The following MBTPS1 variants were observed in gnomAD, a reference collection of about 807,000 sequenced individuals.
MBTPS1 encodes the protein membrane-bound transcription factor site-1 protease.
Under a neutral mutation model 127.8 loss-of-function variants are expected in MBTPS1, and 94 were observed. The observed-to-expected ratio is 0.74, with a 90% CI of 0.62 to 0.87. MBTPS1 has a LOEUF of 0.87. Among genes scored for constraint, MBTPS1 ranks in the 40% least tolerant of loss-of-function variants. The pLI is 0.00. For synonymous variants in MBTPS1, 632 were observed against 509.4 expected (o/e 1.24, Z -3.24); for missense variants, 1,636 against 1,353.2 (o/e 1.21, Z -3.28).
At position 84,068,426 on chromosome 16, in the gene MBTPS1, T is replaced by C; in HGVS notation, c.1984A>G (p.Arg662Gly). ...WNGDHIHTNF[R>G]DMYQHLRSMG... Reference sequence around the variant, plus strand: ...CTTCTCAGATGCTGGTACATATCCCTGAAATTGGTGTGGATGTGATCACCA... The same window carrying C: ...CTTCTCAGATGCTGGTACATATCCCCGAAATTGGTGTGGATGTGATCACCA... Residue 662 changes from arginine to glycine, a missense_variant, in exon 15 of 23, where the codon AGG becomes GGG. Coordinates refer to ENST00000343411, the MANE Select transcript of MBTPS1 (RefSeq NM_003791.4). The C allele has an allele frequency of 6.2e-7, 1 of 1,613,990 alleles. No homozygotes were observed. Among genetic ancestry groups the C allele is most frequent in the Non-Finnish European group, 8.5e-7 (1 of 1,179,804 alleles).
chr16:84,066,620 A>T lies in MBTPS1; in HGVS notation c.2229-7T>A. ...ATCCGGCATCCACCACTGCCTGGGAAAGTGGTAACAGACACACAGGGAACA... is the reference window on the plus strand; with the variant it reads ...ATCCGGCATCCACCACTGCCTGGGATAGTGGTAACAGACACACAGGGAACA... On this transcript the variant is annotated splice_polypyrimidine_tract_variant and splice_region_variant and intron_variant, in intron 16 of 22. Coordinates refer to ENST00000343411, the MANE Select transcript of MBTPS1 (RefSeq NM_003791.4). 1 of 1,613,806 alleles carries T rather than the reference A, an allele frequency of 6.2e-7. No homozygotes were observed.
Position 84,093,205 on chromosome 16 carries a change from C to G in MBTPS1, c.829G>C (p.Val277Leu). Residue 277 changes from valine (V) to leucine (L), a missense_variant, in exon 6 of 23, where the codon GTC (valine) becomes CTC (leucine). Coordinates refer to ENST00000343411, the MANE Select transcript of MBTPS1 (RefSeq NM_003791.4). The stretch of plus-strand genomic sequence containing the variant: ...ACACCTACCTGATTATTGGTAAAGA[C>G]CCTGAAAATGTGAAGTTCTGCATCT... ...APDAELHIFRVFTNNQVSYTS... is the reference protein window; with the variant it reads ...APDAELHIFRLFTNNQVSYTS... 6.2e-7 allele frequency: 1 copy of G among 1,612,144 alleles called. No homozygotes were observed. Among genetic ancestry groups the G allele is most frequent in the Non-Finnish European group, 8.5e-7 (1 of 1,178,178 alleles).
chr16:84,062,255 G>T (rs1249183520), intron 19 of MBTPS1, among the ~76,000 whole-genome samples: 1 of 152,078 alleles, frequency 6.6e-6, no homozygotes, highest in Non-Finnish European at 1.5e-5. Context: ...CAAGCAGCTG[G>T]GACTACAGGC....
chr16:84,093,119 G>C (rs2086132364), intron 6 of MBTPS1, 69 bp downstream of exon 6: 1 of 1,011,008 alleles, frequency 9.9e-7, no homozygotes, highest in Non-Finnish European at 1.6e-6. Flanking sequence ...AGTGTGTACA[G>C]TCCAGTGATT....
At position 84,101,737 on chromosome 16, in the gene MBTPS1, C is replaced by A. The variant is rs1218576853; in HGVS notation, c.47G>T (p.Cys16Phe). 43 of 1,614,148 alleles carry A rather than the reference C, an allele frequency of 2.7e-5. No homozygotes were observed. Among genetic ancestry groups the A allele is most frequent in the Non-Finnish European group, 3.6e-5 (42 of 1,180,000 alleles). The change falls in exon 2 of 23, where the codon TGT (cysteine) becomes TTT (phenylalanine). Residue 16 changes from cysteine to phenylalanine, a missense_variant. Transcript: ENST00000343411. ...TCTGTCGCCCAGATGTTTCTTCCCACAGAGCAAAACCACGAGCAGAAGCAG... is the reference window on the plus strand; with the variant it reads ...TCTGTCGCCCAGATGTTTCTTCCCAAAGAGCAAAACCACGAGCAGAAGCAG... ...IWLLLLVVLL[C>F]GKKHLGDRLE...
intron 1 of MBTPS1, among the ~76,000 whole-genome samples, chr16:84,112,149 C>T (rs941837363): frequency 1.3e-5 from 2 of 152,034 alleles, no homozygotes; most frequent in Admixed American, 6.5e-5. Flanking sequence ...TTGCAGTGGG[C>T]GGAGATAAAG....
intron 1 of MBTPS1, among the ~76,000 whole-genome samples, chr16:84,113,677 G>C (rs2086429637): frequency 6.6e-6 from 1 of 152,180 alleles, no homozygotes; most frequent in Admixed American, 6.5e-5. Flanking sequence ...AAAATAATTA[G>C]AACATAATTT....
chr16:84,103,040 G>A (rs577399886), intron 1 of MBTPS1, among the ~76,000 whole-genome samples: 24 of 152,158 alleles, frequency 1.6e-4, no homozygotes, highest in Middle Eastern at 3.4e-3. Context: ...TTAAGCATGC[G>A]CACAGATATC....
At chr16:84,110,449 C>T (rs1433216454) in intron 1 of MBTPS1, among the ~76,000 whole-genome samples, 1 of 152,066 alleles carries the variant, frequency 6.6e-6, no homozygotes, top group Non-Finnish European at 1.5e-5. Context: ...AATAAGTACT[C>T]TCATATGTTG....
chr16:84,113,636 T>C (rs2086429117), intron 1 of MBTPS1, among the ~76,000 whole-genome samples: 2 of 152,240 alleles, frequency 1.3e-5, no homozygotes, highest in Non-Finnish European at 2.9e-5. Flanking sequence ...ATTCTGGGCA[T>C]AACTAAAATA....
intron 11 of MBTPS1, among the ~76,000 whole-genome samples, chr16:84,076,354 C>T (rs957781158): frequency 1.3e-5 from 2 of 152,052 alleles, no homozygotes; most frequent in African/African-American, 4.8e-5. Flanking sequence ...CGGAGAAATA[C>T]AAGAGGCATT....
chr16:84,108,425 A>G (rs35569063), intron 1 of MBTPS1, among the ~76,000 whole-genome samples: 1 of 152,110 alleles, frequency 6.6e-6, no homozygotes, highest in Non-Finnish European at 1.5e-5. Context: ...CACCACACCC[A>G]GCTAATTTTT....
chr16:84,082,409 G>A (rs560715828), intron 10 of MBTPS1, among the ~76,000 whole-genome samples: 3 of 152,230 alleles, frequency 2.0e-5, no homozygotes, highest in East Asian at 1.9e-4. Context: ...CAGATTGGGA[G>A]GCTTGTCTGG....
chr16:84,101,072 A>T (rs1447314368), intron 2 of MBTPS1, among the ~76,000 whole-genome samples: 1 of 151,688 alleles, frequency 6.6e-6, no homozygotes, highest in African/African-American at 2.4e-5. Context: ...AGGCCAAGGC[A>T]GGCGGATCAC....
Position 84,095,768 on chromosome 16 carries a change from G to A in MBTPS1, c.459C>T (p.Ser153=). ...PTVPCNETRW[S]QKWQSSRPLR... ...GGGGACGTGATGATTGCCACTTCTG[G>A]CTCCACCGGGTTTCATTGCAGGGTA... Residue 153 remains serine, a synonymous_variant, in exon 4 of 23, where the codon AGC becomes AGT. Coordinates refer to ENST00000343411, the MANE Select transcript of MBTPS1 (RefSeq NM_003791.4). 6.2e-7 allele frequency: 1 copy of A among 1,614,038 alleles called. No homozygotes were observed. The highest frequency in any genetic ancestry group is 1.3e-5 in the African/African-American group (1 of 75,056).
At chr16:84,080,211 A>G (rs2085920259) in intron 11 of MBTPS1, among the ~76,000 whole-genome samples, 1 of 152,250 alleles carries the variant, frequency 6.6e-6, no homozygotes, top group Admixed American at 6.5e-5. Flanking sequence ...GTCCACACTG[A>G]TGTAAAGAAC....
At chr16:84,054,678 A>C in intron 22 of MBTPS1, 33 bp from the exon 23 acceptor site, 1 of 1,519,508 alleles carries the variant, frequency 6.6e-7, no homozygotes, top group Non-Finnish European at 8.9e-7. Flanking sequence ...ACAGGCAGGA[A>C]CGCCACAGAG....
chr16:84,087,654 G>A (rs28452700), intron 8 of MBTPS1, among the ~76,000 whole-genome samples, 194 bp from the exon 9 acceptor site: 2,664 of 152,214 alleles, frequency 0.018, 85 homozygotes, highest in African/African-American at 0.06. Flanking sequence ...CGTTCATGCT[G>A]TGCTCACATT....
intron 1 of MBTPS1, among the ~76,000 whole-genome samples, chr16:84,114,474 G>A (rs1049882815): frequency 7.9e-5 from 12 of 152,192 alleles, no homozygotes; most frequent in African/African-American, 2.9e-4. Context: ...CCTTAGTCAT[G>A]CAGTATTAGC....
Sources: allele counts gnomAD v4.1 joint callset (sites outside exome capture counted in the v4.1 genomes callset), GRCh38; gene constraint gnomAD v4.1.1; transcripts MANE v1.5; gene names NCBI Gene and HGNC (gene_info 2026-07-23, HGNC 2026-07-21).